The following STAU2 variants were observed in gnomAD, a reference collection of about 807,000 sequenced individuals.
STAU2 encodes the protein staufen double-stranded RNA binding protein 2, also known as double-stranded RNA-binding protein Staufen homolog 2.
In STAU2, 20 loss-of-function variants were observed where a neutral mutation model predicts 65.9. The observed-to-expected ratio is 0.30, with a 90% CI of 0.21 to 0.44. The LOEUF (loss-of-function observed/expected upper bound fraction) is 0.44, where lower values mean the gene tolerates loss of function less well. Ranked by LOEUF, STAU2 falls within the 20% of genes least tolerant of loss-of-function variation. The pLI is 1.00. For synonymous variants in STAU2, 232 were observed against 233.9 expected (o/e 0.99, Z 0.07); for missense variants, 558 against 683.9 (o/e 0.82, Z 2.05).
At chr8:73,670,966 C>A (rs1204569261) in intron 6 of STAU2, among the ~76,000 whole-genome samples, 1 of 151,858 alleles carries the variant, frequency 6.6e-6, no homozygotes, top group Non-Finnish European at 1.5e-5. Context: ...AAAATTACAA[C>A]AAACAAAATA....
chr8:73,553,497 T>C (rs1449780556), intron 12 of STAU2, among the ~76,000 whole-genome samples: 1 of 152,166 alleles, frequency 6.6e-6, no homozygotes, highest in African/African-American at 2.4e-5. Flanking sequence ...AAAATACACA[T>C]TAGCATAGTG....
chr8:73,720,529 G>A (rs1397099465), intron 3 of STAU2, among the ~76,000 whole-genome samples: 2 of 5,444 alleles, frequency 3.7e-4, no homozygotes, highest in Non-Finnish European at 6.9e-4. Context: ...TTTTTGAGAC[G>A]GAGTCTCGCT....
chr8:73,675,267 C>G (rs1464155009), intron 5 of STAU2, among the ~76,000 whole-genome samples: 2 of 151,500 alleles, frequency 1.3e-5, no homozygotes, highest in African/African-American at 4.9e-5. Flanking sequence ...CACAACTTAT[C>G]AAAACCTCTG....
chr8:73,452,902 G>A (rs1011811329), intron 13 of STAU2, among the ~76,000 whole-genome samples: 3 of 152,150 alleles, frequency 2.0e-5, no homozygotes, highest in South Asian at 2.1e-4. Context: ...GAAGAAAGTC[G>A]GTGGATTGAT....
rs1379170283 is a variant in STAU2, at chr8:73,421,212, T to C, written c.*160A>G. ...AAAGTTTTATTTTTCCCCAGTTGAA[T>C]AAACAGTACCATGTATATTATCTCT... On this transcript the variant is annotated 3_prime_UTR_variant, in exon 15 of 15. Transcript: ENST00000524300. The C allele has an allele frequency of 1.7e-6, 1 of 596,554 alleles. No homozygotes were observed. The highest frequency in any genetic ancestry group is 2.8e-6 in the Non-Finnish European group (1 of 354,808). The allele number at this position is 596,554 out of a possible 1,614,324, so 37.0% of individuals were successfully genotyped here. A position where few individuals can be genotyped will look rare whatever the true frequency, so the allele number is the denominator to read the frequency against.
chr8:73,691,388 G>A (rs140179084), intron 4 of STAU2, among the ~76,000 whole-genome samples: 1 of 152,176 alleles, frequency 6.6e-6, no homozygotes, highest in East Asian at 1.9e-4. Context: ...CTTGGTCTAA[G>A]GTTTCTATAA....
chr8:73,667,358 GC>G (rs1233962695), intron 6 of STAU2, among the ~76,000 whole-genome samples: 1 of 152,112 alleles, frequency 6.6e-6, no homozygotes, highest in Non-Finnish European at 1.5e-5. Context: ...AAACCTCGTG[GC>G]ATGGACAATT....
chr8:73,544,181 G>A (rs1371839572), intron 13 of STAU2, among the ~76,000 whole-genome samples: 1 of 152,096 alleles, frequency 6.6e-6, no homozygotes, highest in Non-Finnish European at 1.5e-5. Context: ...CAGCACAAGA[G>A]ATCATTTAAT....
At chr8:73,430,082 T>C (rs1817148873) in intron 13 of STAU2, among the ~76,000 whole-genome samples, 1 of 152,256 alleles carries the variant, frequency 6.6e-6, no homozygotes, top group African/African-American at 2.4e-5. Flanking sequence ...ACAAGACTAC[T>C]GGATTCTCCA....
intron 13 of STAU2, among the ~76,000 whole-genome samples, chr8:73,424,993 A>G (rs1040158232): frequency 1.3e-5 from 2 of 152,066 alleles, no homozygotes; most frequent in African/African-American, 2.4e-5. Context: ...ATGCCACCCC[A>G]TAGCTCCTGA....
At chr8:73,486,655 A>AT (rs1323381839) in intron 13 of STAU2, among the ~76,000 whole-genome samples, 1 of 78,228 alleles carries the variant, frequency 1.3e-5, no homozygotes, top group Non-Finnish European at 2.5e-5. Flanking sequence ...ATATATATAT[A>AT]TATTTTTTTT....
At chr8:73,729,164 C>T (rs1805863580) in intron 3 of STAU2, among the ~76,000 whole-genome samples, 1 of 152,220 alleles carries the variant, frequency 6.6e-6, no homozygotes, top group Admixed American at 6.5e-5. Flanking sequence ...CAACTGCCTA[C>T]TGTATCAATT....
At chr8:73,616,328 G>C (rs1812831737) in intron 7 of STAU2, among the ~76,000 whole-genome samples, 1 of 152,160 alleles carries the variant, frequency 6.6e-6, no homozygotes, top group Non-Finnish European at 1.5e-5. Context: ...TTGCTGTCAA[G>C]AACTGGGAGA....
rs143311392 is a variant in STAU2, at chr8:73,466,036, T to C, written c.1531-43334A>G. On this transcript the variant is annotated intron_variant, in intron 13 of 14. Transcript: ENST00000524300. ...TCGCCATGTTGGCTCACCCCTGTTT[T>C]CAAAGGCAGTGTATACTGGTGTAGG... 1.1e-3 allele frequency among the ~76,000 whole-genome samples: 161 copies of C among 152,322 alleles called. No homozygotes were observed. In the East Asian group the frequency reaches 0.014, roughly 14 times the overall value.
At chr8:73,719,067 G>A (rs779751474) in intron 3 of STAU2, among the ~76,000 whole-genome samples, 1 of 152,164 alleles carries the variant, frequency 6.6e-6, no homozygotes, top group East Asian at 1.9e-4. Context: ...ACGTCAAACG[G>A]AACTGGTTAA....
intron 11 of STAU2, among the ~76,000 whole-genome samples, chr8:73,583,500 G>C (rs1339841171): frequency 6.6e-6 from 1 of 152,030 alleles, no homozygotes; most frequent in African/African-American, 2.4e-5. Flanking sequence ...AAATGCTTAA[G>C]TGACCAAAAG....
At chr8:73,687,758 C>T (rs1382582667) in intron 5 of STAU2, among the ~76,000 whole-genome samples, 1 of 151,838 alleles carries the variant, frequency 6.6e-6, no homozygotes, top group Non-Finnish European at 1.5e-5. Context: ...GTCGCCCAGG[C>T]TGGAGTGCAG....
chr8:73,688,824 C>T lies in STAU2; in HGVS notation c.115-11G>A, dbSNP rs753692335. 1.2e-6 allele frequency: 2 copies of T among 1,607,244 alleles called. No homozygotes were observed. The highest frequency in any genetic ancestry group is 1.1e-5 in the South Asian group (1 of 90,338). ...CTGCACTGAGAACATCTTAGAAAAA[C>T]ATAAATAGACAAAGAAAACATTAAG... On this transcript the variant is annotated splice_polypyrimidine_tract_variant and intron_variant, in intron 4 of 14. Transcript: ENST00000524300.
chr8:73,591,882 TAAAAAAAAAA>T (rs34533172), intron 11 of STAU2, among the ~76,000 whole-genome samples: 54 of 28,468 alleles, frequency 1.9e-3, no homozygotes, highest in South Asian at 9.1e-3. Context: ...ATCCCAGAGG[TAAAAAAAAAA>T]AAAAAAAAAA....
Sources: gnomAD v4.1 joint callset for allele counts (sites outside exome capture counted in the v4.1 genomes callset) on GRCh38, gnomAD v4.1.1 for gene constraint, MANE v1.5 for transcripts, NCBI Gene and HGNC (gene_info 2026-07-23, HGNC 2026-07-21) for gene names.